Variants in RAB27B observed in about 807,000 individuals in gnomAD.
The protein encoded by RAB27B is RAB27B, member RAS oncogene family.
Under a neutral mutation model 24.6 loss-of-function variants are expected in RAB27B, and 15 were observed. The ratio of observed to expected loss-of-function variants is 0.61; its 90% confidence interval spans 0.41 to 0.94. RAB27B has a LOEUF of 0.94. Ranked by LOEUF, RAB27B falls within the 40% of genes least tolerant of loss-of-function variation. The pLI, the probability that RAB27B is intolerant of heterozygous loss-of-function variation, is 0.00. For synonymous variants in RAB27B, 105 were observed against 92.5 expected, an observed-to-expected ratio of 1.14 and a Z score of -0.78; for missense variants, 261 against 266.8, an observed-to-expected ratio of 0.98 and a Z score of 0.15.
chr18:54,873,628 A>G (rs1332236355), intron 1 of RAB27B, among the ~76,000 whole-genome samples: 1 of 151,556 alleles, frequency 6.6e-6, no homozygotes, highest in African/African-American at 2.4e-5. Flanking sequence ...TTGAGGCTAT[A>G]TGATTTTAGG....
At chr18:54,814,091 A>G (rs1910050198) in intron 2 of RAB27B, among the ~76,000 whole-genome samples, 1 of 152,230 alleles carries the variant, frequency 6.6e-6, no homozygotes, top group African/African-American at 2.4e-5. Flanking sequence ...CTGTCTTACA[A>G]TAACATTTCA....
At chr18:54,820,617 T>G (rs1037033227) in intron 2 of RAB27B, among the ~76,000 whole-genome samples, 9 of 152,124 alleles carry the variant, frequency 5.9e-5, no homozygotes, top group Non-Finnish European at 1.2e-4. Flanking sequence ...GCTCTTTAGT[T>G]TAATTAGATC....
chr18:54,776,627 A>C (rs1315034635), intron 2 of RAB27B, among the ~76,000 whole-genome samples: 2 of 152,190 alleles, frequency 1.3e-5, no homozygotes, highest in Non-Finnish European at 2.9e-5. Context: ...GGGCCATGTC[A>C]ACAATGTTCT....
intron 2 of RAB27B, among the ~76,000 whole-genome samples, chr18:54,751,536 G>A (rs945465607): frequency 2.6e-5 from 4 of 152,096 alleles, no homozygotes; most frequent in African/African-American, 7.2e-5. Context: ...CAGATTAAAG[G>A]GATCGTTGAA....
At chr18:54,881,065 A>G (rs1330955882) in intron 3 of RAB27B, among the ~76,000 whole-genome samples, 3 of 152,174 alleles carry the variant, frequency 2.0e-5, no homozygotes, top group African/African-American at 7.2e-5. Context: ...GATACAAGGC[A>G]CAGACTTCAT....
intron 4 of RAB27B, among the ~76,000 whole-genome samples, chr18:54,887,204 C>A (rs1913180580): frequency 6.6e-6 from 1 of 151,496 alleles, no homozygotes; most frequent in Non-Finnish European, 1.5e-5. Context: ...CACTATAGAT[C>A]ATCATTTCGG....
At chr18:54,802,889 A>T (rs1264698817) in intron 2 of RAB27B, among the ~76,000 whole-genome samples, 1 of 152,210 alleles carries the variant, frequency 6.6e-6, no homozygotes, top group Non-Finnish European at 1.5e-5. Flanking sequence ...GGTTTTGTCG[A>T]TGGTGAGTAA....
At chr18:54,731,954 C>T (rs1351402586) in intron 2 of RAB27B, among the ~76,000 whole-genome samples, 2 of 152,116 alleles carry the variant, frequency 1.3e-5, no homozygotes, top group African/African-American at 4.8e-5. Flanking sequence ...TTTAAAATTT[C>T]CCATTTGTCT....
At chr18:54,826,192 A>G (rs1423342028), upstream of RAB27B, among the ~76,000 whole-genome samples, 1 of 152,214 alleles carries the variant, frequency 6.6e-6, no homozygotes, top group African/African-American at 2.4e-5. Flanking sequence ...ATGTACATTA[A>G]TGTTTACCTC....
intron 2 of RAB27B, among the ~76,000 whole-genome samples, chr18:54,720,264 A>G (rs536897341): frequency 2.0e-5 from 3 of 152,110 alleles, no homozygotes; most frequent in African/African-American, 7.2e-5. Context: ...GGTTATCCCA[A>G]GGCCTTGAAA....
chr18:54,808,169 C>A (rs2145144053), intron 2 of RAB27B, among the ~76,000 whole-genome samples: 1 of 152,296 alleles, frequency 6.6e-6, no homozygotes, highest in South Asian at 2.1e-4. Flanking sequence ...TTGTAATCCT[C>A]TAGATAGGCC....
intron 3 of RAB27B, among the ~76,000 whole-genome samples, chr18:54,881,935 A>G (rs1912942597): frequency 6.6e-6 from 1 of 152,154 alleles, no homozygotes; most frequent in Non-Finnish European, 1.5e-5. Context: ...TGAGACACAC[A>G]CACTTAAGGA....
In RAB27B at chr18:54,890,917, A is replaced by T. The variant is rs1370293555; in HGVS notation, c.*1504A>T. ...TTTTTAATCTTAGTTTCTGATAAAC[A>T]CAAGCCATTCCTATCAAAATATTAT... On this transcript the variant is annotated 3_prime_UTR_variant, in exon 6 of 6. Transcript: ENST00000262094. 1 of 152,140 alleles carries T rather than the reference A, an allele frequency of 6.6e-6. No individual in the cohort carries two copies. The highest frequency in any genetic ancestry group is 1.5e-5 in the Non-Finnish European group (1 of 68,026). The allele number at this position is 152,140 out of a possible 1,614,324, so 9.4% of individuals were successfully genotyped here.
chr18:54,794,204 A>G (rs1261977096), intron 2 of RAB27B, among the ~76,000 whole-genome samples: 2 of 152,198 alleles, frequency 1.3e-5, no homozygotes, highest in Non-Finnish European at 2.9e-5. Flanking sequence ...GTAAATTAAT[A>G]TATACAAAGT....
chr18:54,851,488 A>C (rs1270070079), intron 1 of RAB27B, among the ~76,000 whole-genome samples: 1 of 152,206 alleles, frequency 6.6e-6, no homozygotes, highest in Non-Finnish European at 1.5e-5. Context: ...AAGAATTAGC[A>C]TACTATTTAG....
intron 2 of RAB27B, among the ~76,000 whole-genome samples, chr18:54,776,140 G>A (rs1479610172): frequency 6.6e-6 from 1 of 152,204 alleles, no homozygotes; most frequent in African/African-American, 2.4e-5. Flanking sequence ...AAATGTCATA[G>A]AAAGTAGCCT....
intron 4 of RAB27B, among the ~76,000 whole-genome samples, chr18:54,884,720 T>C (rs1419928582): frequency 1.1e-4 from 17 of 152,182 alleles, no homozygotes; most frequent in Admixed American, 1.1e-3. Context: ...ATTATTGTCA[T>C]TGAAAGGCCA....
Position 54,895,205 on chromosome 18 carries a change from A to G in RAB27B, c.*5792A>G, listed in dbSNP as rs1461592336. 6.6e-6 allele frequency: 1 copy of G among 152,100 alleles called. No individual in the cohort carries two copies. Among genetic ancestry groups the G allele is most frequent in the Non-Finnish European group, 1.5e-5 (1 of 67,980 alleles). 9.4% of individuals were successfully genotyped at this position (152,100 alleles called of 1,614,324 possible). A position where few individuals can be genotyped will look rare whatever the true frequency, so the allele number is the denominator to read the frequency against. On this transcript the variant is annotated 3_prime_UTR_variant, in exon 6 of 6. Transcript: ENST00000262094. ...TCCCAACAGTTTACCTTCAAGTAAT[A>G]TTATCTTTATTTTTAGGCTAAGCAC... is the stretch of plus-strand genomic sequence containing the variant.
intron 2 of RAB27B, among the ~76,000 whole-genome samples, chr18:54,734,913 A>G (rs1909843037): frequency 6.6e-6 from 1 of 152,192 alleles, no homozygotes. Flanking sequence ...TGAAATTATG[A>G]ATCTCAGACA....
Sources: allele counts gnomAD v4.1 joint callset (sites outside exome capture counted in the v4.1 genomes callset), GRCh38; gene constraint gnomAD v4.1.1; transcripts MANE v1.5; gene names NCBI Gene and HGNC (gene_info 2026-07-23, HGNC 2026-07-21).